Variants in JAZF1 observed in about 807,000 individuals in gnomAD.
The protein encoded by JAZF1 is JAZF zinc finger 1.
A neutral mutation model predicts 26.4 loss-of-function variants in JAZF1; 8 were observed. The ratio of observed to expected loss-of-function variants is 0.30; its 90% CI spans 0.18 to 0.55. The LOEUF (loss-of-function observed/expected upper bound fraction) is 0.55. Ranked by LOEUF, JAZF1 falls within the 20% of genes least tolerant of loss-of-function variation. The pLI is 0.94. For synonymous variants in JAZF1, 126 were observed against 122.3 expected (o/e 1.03, Z -0.20); for missense variants, 199 against 322.0 (o/e 0.62, Z 2.92).
chr7:28,172,026 G>T (rs957611133), intron 1 of JAZF1, among the ~76,000 whole-genome samples: 31 of 152,070 alleles, frequency 2.0e-4, no homozygotes, highest in Non-Finnish European at 4.4e-5. Context: ...TTTACAAGCC[G>T]CAATACCAAA....
At position 28,180,692 on chromosome 7, in the gene JAZF1, G is replaced by T. The variant is rs1336542085; in HGVS notation, c.-115C>A. On this transcript the variant is annotated 5_prime_UTR_variant, in exon 1 of 5. Transcript: ENST00000283928. ...GGGGCTGGGGGAGGGGGAGAGAGGC[G>T]GGGTGAGGGGAGCGGCGAGGACGGG... 3.2e-6 allele frequency: 2 copies of T among 630,136 alleles called. No individual in the cohort carries two copies. The highest frequency in any genetic ancestry group is 5.6e-6 in the Non-Finnish European group (2 of 358,222). The allele number at this position is 630,136 out of a possible 1,614,324, so 39.0% of individuals were successfully genotyped here.
At chr7:27,911,654 G>A (rs1784362282) in intron 2 of JAZF1, among the ~76,000 whole-genome samples, 1 of 152,150 alleles carries the variant, frequency 6.6e-6, no homozygotes, top group South Asian at 2.1e-4. Flanking sequence ...AAGTCCTATT[G>A]AGCAGTGCTG....
chr7:27,917,513 T>C (rs1287355564), intron 2 of JAZF1, among the ~76,000 whole-genome samples: 4 of 152,226 alleles, frequency 2.6e-5, no homozygotes. Flanking sequence ...CCTGATGCTG[T>C]TGGTTTGAGA....
chr7:27,864,545 C>T (rs1234422596), intron 3 of JAZF1, among the ~76,000 whole-genome samples: 2 of 152,188 alleles, frequency 1.3e-5, no homozygotes, highest in African/African-American at 4.8e-5. Context: ...GAGTCCTCTC[C>T]CTGCTGAGGG....
intron 1 of JAZF1, among the ~76,000 whole-genome samples, chr7:28,055,314 C>G (rs1004830223): frequency 6.6e-5 from 10 of 152,088 alleles, no homozygotes; most frequent in African/African-American, 2.2e-4. Context: ...TCCCTGATGG[C>G]TCTCCACGGT....
intron 3 of JAZF1, among the ~76,000 whole-genome samples, chr7:27,849,820 C>T (rs952590750): frequency 2.3e-4 from 34 of 148,268 alleles, no homozygotes; most frequent in African/African-American, 6.8e-4. Flanking sequence ...GCCCACATCG[C>T]CATCCAGGGG....
chr7:27,852,461 T>C (rs2128334425), intron 3 of JAZF1, among the ~76,000 whole-genome samples: 1 of 152,254 alleles, frequency 6.6e-6, no homozygotes, highest in East Asian at 1.9e-4. Flanking sequence ...GCCTTCAGTC[T>C]AATTACTAGG....
chr7:27,960,044 A>T (rs1463211501), intron 2 of JAZF1, among the ~76,000 whole-genome samples: 1 of 152,204 alleles, frequency 6.6e-6, no homozygotes, highest in Non-Finnish European at 1.5e-5. Flanking sequence ...AAATACTGCT[A>T]CCTTGCCACC....
chr7:28,118,901 C>G (rs868511139), intron 1 of JAZF1, among the ~76,000 whole-genome samples: 4 of 152,272 alleles, frequency 2.6e-5, no homozygotes, highest in Middle Eastern at 6.8e-3. Context: ...AACTTTCACA[C>G]AGCAGATATC....
intron 1 of JAZF1, among the ~76,000 whole-genome samples, chr7:28,033,789 C>G (rs1783234283): frequency 6.6e-6 from 1 of 152,152 alleles, no homozygotes; most frequent in South Asian, 2.1e-4. Context: ...GTCACCCAGG[C>G]TGGAACGCAG....
At chr7:27,839,460 T>A (rs1333822163) in intron 4 of JAZF1, among the ~76,000 whole-genome samples, 1 of 152,186 alleles carries the variant, frequency 6.6e-6, no homozygotes, top group Admixed American at 6.5e-5. Flanking sequence ...ATCCTGTGGA[T>A]GTTTTGTATC....
chr7:27,845,908 C>T (rs1783021212), intron 3 of JAZF1, among the ~76,000 whole-genome samples: 1 of 151,910 alleles, frequency 6.6e-6, no homozygotes, highest in African/African-American at 2.4e-5. Context: ...TCTACCCCAC[C>T]CTTTCCAGCC....
intron 1 of JAZF1, among the ~76,000 whole-genome samples, chr7:28,131,989 T>C (rs1308082575): frequency 3.3e-5 from 5 of 152,178 alleles, no homozygotes; most frequent in Non-Finnish European, 2.9e-5. Flanking sequence ...ACATAAAATA[T>C]TGATTTGAAA....
Position 28,136,176 on chromosome 7 carries a change from C to T in JAZF1, c.115+44287G>A, listed in dbSNP as rs142489749. ...TCACTGTGTCAGGCACCCTGCTGAA[C>T]GTTGGGTATTTATTATCTCAAATAA... On this transcript the variant is annotated intron_variant, in intron 1 of 4. Coordinates refer to ENST00000283928, the MANE Select transcript of JAZF1 (RefSeq NM_175061.4). 1.2e-4 allele frequency among the ~76,000 whole-genome samples: 18 copies of T among 152,264 alleles called. No individual in the cohort carries two copies. The East Asian group carries it at 3.3e-3, about 28-fold the overall frequency.
At chr7:28,005,630 G>A (rs991718113) in intron 1 of JAZF1, among the ~76,000 whole-genome samples, 6 of 152,176 alleles carry the variant, frequency 3.9e-5, no homozygotes, top group African/African-American at 1.4e-4. Context: ...TCAGGTTCGT[G>A]GGCCACAGAG....
chr7:27,904,819 C>G (rs1029428653), intron 2 of JAZF1, among the ~76,000 whole-genome samples: 1 of 152,166 alleles, frequency 6.6e-6, no homozygotes, highest in Non-Finnish European at 1.5e-5. Flanking sequence ...TTTCACTTGA[C>G]CTTTACAATG....
chr7:28,094,638 A>G (rs993744389), intron 1 of JAZF1, among the ~76,000 whole-genome samples: 1 of 152,212 alleles, frequency 6.6e-6, no homozygotes, highest in Non-Finnish European at 1.5e-5. Context: ...GTAGGCACCC[A>G]GCACTTGAAA....
chr7:28,180,632 G>A lies in JAZF1; in HGVS notation c.-55C>T, dbSNP rs1783632333. 6 of 1,267,142 alleles carry A rather than the reference G, an allele frequency of 4.7e-6. No individual in the cohort carries two copies. The East Asian group carries it at 1.3e-4, about 27-fold the overall frequency. 78.5% of individuals were successfully genotyped at this position (1,267,142 alleles called of 1,614,324 possible). ...GGCTCTGCGAGCGCCGGGCGGGCGA[G>A]GGAGGGAGGGAGGCCGGGTGGGGTG... On this transcript the variant is annotated 5_prime_UTR_variant, in exon 1 of 5. Transcript: ENST00000283928.
chr7:27,847,253 G>A (rs563662722), intron 3 of JAZF1, among the ~76,000 whole-genome samples: 1 of 151,210 alleles, frequency 6.6e-6, no homozygotes, highest in South Asian at 2.1e-4. Context: ...GCATCCCACA[G>A]TGCTGGGATT....
Sources: gnomAD v4.1 joint callset for allele counts (sites outside exome capture counted in the v4.1 genomes callset) on GRCh38, gnomAD v4.1.1 for gene constraint, MANE v1.5 for transcripts, NCBI Gene and HGNC (gene_info 2026-07-23, HGNC 2026-07-21) for gene names.